HDAC4: variants seen among roughly 807,000 people sequenced by gnomAD.
The protein encoded by HDAC4 is histone deacetylase A.
In HDAC4, 16 loss-of-function variants were observed where a neutral mutation model predicts 135.1. That is an observed-to-expected ratio of 0.12 (90% CI 0.08 to 0.18). The LOEUF (loss-of-function observed/expected upper bound fraction) is 0.18, where lower values mean the gene tolerates loss of function less well. HDAC4 is among the 10% of genes least tolerant of loss of function. The pLI, the probability that HDAC4 is intolerant of heterozygous loss-of-function variation, is 1.00. For missense variants in HDAC4, 1,143 were observed against 1,511.8 expected, an observed-to-expected ratio of 0.76 and a Z score of 4.05; for synonymous variants, 685 against 653.4, an observed-to-expected ratio of 1.05 and a Z score of -0.74.
At chr2:239,220,665 A>C (rs1239016352) in intron 3 of HDAC4, among the ~76,000 whole-genome samples, 1 of 152,228 alleles carries the variant, frequency 6.6e-6, no homozygotes, top group Non-Finnish European at 1.5e-5. Context: ...GTATCCGGCT[A>C]CCACAATGAT....
chr2:239,224,855 G>T (rs1016816947), intron 3 of HDAC4, among the ~76,000 whole-genome samples: 3 of 152,210 alleles, frequency 2.0e-5, no homozygotes, highest in Non-Finnish European at 4.4e-5. Flanking sequence ...CCTCTCACAT[G>T]TTCTAATATT....
chr2:239,314,974 T>C (rs2053056031), intron 2 of HDAC4, among the ~76,000 whole-genome samples: 1 of 152,184 alleles, frequency 6.6e-6, no homozygotes, highest in Non-Finnish European at 1.5e-5. Flanking sequence ...ACAGACTCTT[T>C]AAGTCTGATG....
In HDAC4 at chr2:239,052,290, G is replaced by A. The variant is rs927642413; in HGVS notation, c.*807C>T. The A allele has an allele frequency of 3.9e-5, 6 of 152,288 alleles. No homozygotes were observed. Among genetic ancestry groups the A allele is most frequent in the African/African-American group, 2.4e-5 (1 of 41,450 alleles). The allele number at this position is 152,288 out of a possible 1,614,324, so 9.4% of individuals were successfully genotyped here. The stretch of plus-strand genomic sequence containing the variant: ...TTGAGGCGTCAGGCCAGCTCGCGGT[G>A]CCAGCACTGCCAGGCTCGGCTGGCC... On this transcript the variant is annotated 3_prime_UTR_variant, in exon 27 of 27. Coordinates refer to ENST00000543185, the MANE Select transcript of HDAC4 (RefSeq NM_001378414.1).
At chr2:239,090,430 CCTTT>C (rs1345227928) in intron 17 of HDAC4, among the ~76,000 whole-genome samples, 1 of 128,258 alleles carries the variant, frequency 7.8e-6, no homozygotes, top group Non-Finnish European at 1.6e-5. Context: ...TGATCTATTT[CCTTT>C]TTTTTTTTTT....
At chr2:239,372,267 A>G (rs1694674830) in intron 1 of HDAC4, among the ~76,000 whole-genome samples, 1 of 152,204 alleles carries the variant, frequency 6.6e-6, no homozygotes, top group Non-Finnish European at 1.5e-5. Flanking sequence ...TCAAGCCGGC[A>G]CTGGAAGGGC....
rs950785520 is a variant in HDAC4, at chr2:239,307,281, C to G, written c.22+45397G>C. On this transcript the variant is annotated intron_variant, in intron 2 of 26. Coordinates refer to ENST00000543185, the MANE Select transcript of HDAC4 (RefSeq NM_001378414.1). The surrounding 1 kb of genome is among the most constrained non-coding windows in gnomAD (Gnocchi z 4.8). ...GGCTGTGCTCAGGACCCTCAGGGGA[C>G]CATGGGCTACTTTCAGAAACAAGAG... Among the ~76,000 whole-genome samples the G allele has an allele frequency of 6.6e-6, 1 of 152,096 alleles. No individual in the cohort carries two copies. Among genetic ancestry groups the G allele is most frequent in the Non-Finnish European group, 1.5e-5 (1 of 68,004 alleles).
At chr2:239,067,987 A>C (rs1395661242) in intron 23 of HDAC4, among the ~76,000 whole-genome samples, 1 of 152,170 alleles carries the variant, frequency 6.6e-6, no homozygotes, top group Non-Finnish European at 1.5e-5. Flanking sequence ...GCACAGCAGG[A>C]GCACTGCTGG....
At chr2:239,255,063 T>G (rs572153123) in intron 2 of HDAC4, among the ~76,000 whole-genome samples, 2 of 152,296 alleles carry the variant, frequency 1.3e-5, no homozygotes, top group East Asian at 3.9e-4. Context: ...ACAAAAACAT[T>G]TTCAGATAAA....
chr2:239,340,319 A>G (rs1227560217), intron 2 of HDAC4, among the ~76,000 whole-genome samples: 1 of 152,210 alleles, frequency 6.6e-6, no homozygotes, highest in Admixed American at 6.5e-5. Context: ...GGCGAAGAAC[A>G]AAAGGGAACC....
intron 2 of HDAC4, among the ~76,000 whole-genome samples, chr2:239,246,748 C>T (rs2124852400): frequency 6.6e-6 from 1 of 152,366 alleles, no homozygotes; most frequent in East Asian, 1.9e-4. Context: ...CCCCTACCTA[C>T]CAAGTGGCAC....
chr2:239,213,774 G>A (rs909751565), intron 3 of HDAC4, among the ~76,000 whole-genome samples: 8 of 152,240 alleles, frequency 5.3e-5, no homozygotes, highest in African/African-American at 1.9e-4. Flanking sequence ...GGGACAGAGT[G>A]AGCCTTCATC....
Position 239,048,562 on chromosome 2 carries a change from T to TAGAC in HDAC4, c.*4534_*4535insGTCT, listed in dbSNP as rs1182249244. ...GTGAGTAAGGTTCAAGCCCCCTGTATAGATAGATAGATAGATAGATAGATA... is the reference window on the plus strand; with the variant it reads ...GTGAGTAAGGTTCAAGCCCCCTGTATAGACAGATAGATAGATAGATAGATAGATA... On this transcript the variant is annotated 3_prime_UTR_variant, in exon 27 of 27. Transcript: ENST00000543185. 1 of 142,522 alleles carries TAGAC rather than the reference T, an allele frequency of 7.0e-6. No homozygotes were observed. The highest frequency in any genetic ancestry group is 1.5e-5 in the Non-Finnish European group (1 of 66,858). 8.8% of individuals were successfully genotyped at this position (142,522 alleles called of 1,614,324 possible). A position where few individuals can be genotyped will look rare whatever the true frequency, so the allele number is the denominator to read the frequency against.
intron 7 of HDAC4, among the ~76,000 whole-genome samples, chr2:239,156,224 A>T (rs1237782496): frequency 6.6e-6 from 1 of 152,136 alleles, no homozygotes; most frequent in East Asian, 1.9e-4. Flanking sequence ...CACTCTGGGG[A>T]CCTGGAAGGC....
intron 3 of HDAC4, among the ~76,000 whole-genome samples, chr2:239,207,120 T>C (rs1007623569): frequency 6.7e-6 from 1 of 149,718 alleles, no homozygotes; most frequent in South Asian, 2.1e-4. Flanking sequence ...TTCTCTACAA[T>C]AGAAAGTTCA....
At chr2:239,321,133 T>C (rs2053293413) in intron 2 of HDAC4, among the ~76,000 whole-genome samples, 1 of 152,178 alleles carries the variant, frequency 6.6e-6, no homozygotes, top group South Asian at 2.1e-4. Flanking sequence ...TATTATTGTC[T>C]CTTGCAGGTT....
chr2:239,380,517 A>G (rs1695346380), intron 1 of HDAC4, among the ~76,000 whole-genome samples: 1 of 152,192 alleles, frequency 6.6e-6, no homozygotes, highest in African/African-American at 2.4e-5. Context: ...TGTGTTTCAG[A>G]AGAACCACCT....
intron 9 of HDAC4, among the ~76,000 whole-genome samples, chr2:239,135,387 C>T (rs2040880620): frequency 6.6e-6 from 1 of 152,182 alleles, no homozygotes; most frequent in Admixed American, 6.5e-5. Flanking sequence ...GTGAGAAAAG[C>T]ACGCGGTGAG....
At chr2:239,094,427 C>T (rs2036807717) in intron 17 of HDAC4, 2 of 627,792 alleles carry the variant, frequency 3.2e-6, no homozygotes, top group African/African-American at 4.9e-5. Context: ...GAAGCCAGCA[C>T]AGCCCAGTGA....
At chr2:239,197,011 C>A (rs1431046712) in intron 3 of HDAC4, among the ~76,000 whole-genome samples, 1 of 152,190 alleles carries the variant, frequency 6.6e-6, no homozygotes, top group Non-Finnish European at 1.5e-5. Context: ...ACGGGTCCAA[C>A]TCCTCCAGGG....
Sources: gnomAD v4.1 joint callset for allele counts (sites outside exome capture counted in the v4.1 genomes callset) on GRCh38, gnomAD v4.1.1 for gene constraint, Gnocchi (gnomAD v3.1) non-coding constraint, MANE v1.5 for transcripts, NCBI Gene and HGNC (gene_info 2026-07-23, HGNC 2026-07-21) for gene names.